GTF2A1: variants seen among roughly 807,000 people sequenced by gnomAD.
GTF2A1 encodes the protein transcription initiation factor IIA subunit 1.
Under a neutral mutation model 54.1 loss-of-function variants are expected in GTF2A1, and 12 were observed. The ratio of observed to expected loss-of-function variants is 0.22; its 90% CI spans 0.14 to 0.36. GTF2A1 has a LOEUF of 0.36. Ranked by LOEUF, GTF2A1 falls within the 10% of genes least tolerant of loss-of-function variation. The pLI is 1.00. For synonymous variants in GTF2A1, 145 were observed against 152.0 expected, an observed-to-expected ratio of 0.95 and a Z score of 0.34; for missense variants, 335 against 442.2, an observed-to-expected ratio of 0.76 and a Z score of 2.17.
rs1458709388 is a variant in GTF2A1 at position 81,220,690 on chromosome 14, G to A, written c.-172C>T. 2.4e-6 allele frequency: 1 copy of A among 414,264 alleles called. No individual in the cohort carries two copies. Among genetic ancestry groups the A allele is most frequent in the Non-Finnish European group, 4.2e-6 (1 of 236,248 alleles). The allele number at this position is 414,264 out of a possible 1,614,324, so 25.7% of individuals were successfully genotyped here. ...GAGTAGGGGAGAGCGGAGAGAGGAG[G>A]AGGAGGGGGGCACTCCTCCCGCAGC... On this transcript the variant is annotated 5_prime_UTR_variant, in exon 1 of 9. Coordinates refer to ENST00000553612, the MANE Select transcript of GTF2A1 (RefSeq NM_015859.4).
At chr14:81,198,837 A>G (rs1893044423) in intron 4 of GTF2A1, among the ~76,000 whole-genome samples, 3 of 152,214 alleles carry the variant, frequency 2.0e-5, no homozygotes, top group Admixed American at 2.0e-4. Context: ...TATTAAACTG[A>G]GTTAATAGTT....
intron 2 of GTF2A1, among the ~76,000 whole-genome samples, chr14:81,209,698 A>C (rs141805797): frequency 5.7e-4 from 87 of 152,356 alleles, no homozygotes; most frequent in Middle Eastern, 3.4e-3. Flanking sequence ...GTACCAAATT[A>C]CTTGGAGGTC....
chr14:81,198,303 A>G (rs914113585), intron 4 of GTF2A1, among the ~76,000 whole-genome samples: 3 of 151,994 alleles, frequency 2.0e-5, no homozygotes, highest in African/African-American at 7.2e-5. Context: ...AAATTAGCTG[A>G]GCAGGGTGGT....
intron 1 of GTF2A1, among the ~76,000 whole-genome samples, chr14:81,218,110 CAAT>C (rs1380894302): frequency 6.7e-6 from 1 of 149,712 alleles, no homozygotes; most frequent in Non-Finnish European, 1.5e-5. Context: ...TTTTTTTAAC[CAAT>C]AATTACTCCT....
At chr14:81,210,174 A>T (rs537368859) in intron 2 of GTF2A1, among the ~76,000 whole-genome samples, 6 of 152,328 alleles carry the variant, frequency 3.9e-5, no homozygotes, top group African/African-American at 1.4e-4. Flanking sequence ...AATCTATTGA[A>T]AATCATTATT....
At chr14:81,185,648 C>A in intron 7 of GTF2A1, 28 bp from the exon 8 acceptor site, 5 of 1,187,138 alleles carry the variant, frequency 4.2e-6, no homozygotes, top group Non-Finnish European at 5.0e-6. Flanking sequence ...GTTCTTATTA[C>A]TATAAGAAGG....
chr14:81,187,779 T>C lies in GTF2A1; in HGVS notation c.934-2159A>G, dbSNP rs560121406. Among the ~76,000 whole-genome samples the C allele has an allele frequency of 8.2e-4, 125 of 152,358 alleles. 2 individuals are homozygous for C. In the South Asian group the frequency reaches 0.024, roughly 30 times the overall value. Reference sequence around the variant, plus strand: ...ACTTGGATATCATAAATAGGGCTGCTATGAACAGTCACATACAAGTTTTTG... The same window carrying C: ...ACTTGGATATCATAAATAGGGCTGCCATGAACAGTCACATACAAGTTTTTG... On this transcript the variant is annotated intron_variant, in intron 7 of 8. Transcript: ENST00000553612.
At chr14:81,190,670 A>AG in intron 7 of GTF2A1, among the ~76,000 whole-genome samples, 1 of 152,286 alleles carries the variant, frequency 6.6e-6, no homozygotes, top group East Asian at 1.9e-4. Context: ...TTAAAAAAAA[A>AG]GAAAACCCAC....
chr14:81,196,941 G>A (rs10148333), intron 5 of GTF2A1, among the ~76,000 whole-genome samples: 16,241 of 152,098 alleles, frequency 0.11, 1,948 homozygotes, highest in African/African-American at 0.3. Flanking sequence ...TAAAATCCAT[G>A]TAAATAAATT....
At position 81,180,125 on chromosome 14, in the gene GTF2A1, G is replaced by T; in HGVS notation, c.*98C>A. ...TTCTACTGCACTTTTCTGACATGCA[G>T]AAACGAAGTTTTGGTTGGCATATGC... On this transcript the variant is annotated 3_prime_UTR_variant, in exon 9 of 9. Transcript: ENST00000553612. 1 of 543,220 alleles carries T rather than the reference G, an allele frequency of 1.8e-6. No individual in the cohort carries two copies. The highest frequency in any genetic ancestry group is 3.4e-6 in the Non-Finnish European group (1 of 295,708). 33.6% of individuals were successfully genotyped at this position (543,220 alleles called of 1,614,324 possible). A position where few individuals can be genotyped will look rare whatever the true frequency, so the allele number is the denominator to read the frequency against.
intron 1 of GTF2A1, among the ~76,000 whole-genome samples, chr14:81,218,025 A>G (rs1047677747): frequency 4.6e-5 from 7 of 152,022 alleles, no homozygotes; most frequent in African/African-American, 1.7e-4. Flanking sequence ...TAAGGAAAGT[A>G]TATCTGACTA....
At chr14:81,220,138 G>A (rs970017088) in intron 1 of GTF2A1, among the ~76,000 whole-genome samples, 112 of 151,190 alleles carry the variant, frequency 7.4e-4, no homozygotes, top group Non-Finnish European at 1.3e-3. Flanking sequence ...CGGGCCCCTC[G>A]GGGGGAAGCG....
At chr14:81,219,735 G>A (rs897847135) in intron 1 of GTF2A1, among the ~76,000 whole-genome samples, 2 of 152,168 alleles carry the variant, frequency 1.3e-5, no homozygotes, top group African/African-American at 4.8e-5. Flanking sequence ...CTACGTGATC[G>A]CAAGTAACAA....
intron 8 of GTF2A1, among the ~76,000 whole-genome samples, chr14:81,180,997 C>G (rs1892626825): frequency 6.6e-6 from 1 of 152,160 alleles, no homozygotes; most frequent in Non-Finnish European, 1.5e-5. Context: ...TTCTCAAGAC[C>G]TAACTACCAT....
chr14:81,210,203 T>C (rs1260367923), intron 2 of GTF2A1, among the ~76,000 whole-genome samples: 1 of 152,218 alleles, frequency 6.6e-6, no homozygotes, highest in Admixed American at 6.5e-5. Flanking sequence ...ACTATAATAC[T>C]GGTTCTAGGT....
chr14:81,205,485 G>A (rs1275768510), intron 2 of GTF2A1, among the ~76,000 whole-genome samples: 2 of 152,204 alleles, frequency 1.3e-5, no homozygotes, highest in African/African-American at 4.8e-5. Context: ...CTCACTGGTT[G>A]TTGAGAGGAT....
chr14:81,198,460 A>G (rs1417149844), intron 4 of GTF2A1, among the ~76,000 whole-genome samples: 2 of 152,214 alleles, frequency 1.3e-5, no homozygotes, highest in Non-Finnish European at 2.9e-5. Context: ...TTTGAAATCA[A>G]GTTAGTATGT....
In GTF2A1 at chr14:81,192,665, CAGGCTGG is replaced by C; in HGVS notation, c.780_786del (p.Gln261LeufsTer58). ...AAGACCAATGGAGCTTGTGTTTGAGCAGGCTGGGCCTGCGGTTGCTGCTGGCCAGTTG... is the reference window on the plus strand; with the variant it reads ...AAGACCAATGGAGCTTGTGTTTGAGCGCCTGCGGTTGCTGCTGGCCAGTTG... On this transcript the variant is annotated frameshift_variant, in exon 7 of 9. Coordinates refer to ENST00000553612, the MANE Select transcript of GTF2A1 (RefSeq NM_015859.4). LOFTEE classifies it high-confidence loss of function. 1 of 1,614,182 alleles carries C rather than the reference CAGGCTGG, an allele frequency of 6.2e-7. No individual in the cohort carries two copies. Among genetic ancestry groups the C allele is most frequent in the Non-Finnish European group, 8.5e-7 (1 of 1,180,012 alleles).
At chr14:81,204,673 G>A (rs1379700324) in intron 2 of GTF2A1, among the ~76,000 whole-genome samples, 1 of 152,234 alleles carries the variant, frequency 6.6e-6, no homozygotes, top group Non-Finnish European at 1.5e-5. Flanking sequence ...GAAGGTCTTA[G>A]TAGTTATCCC....
Sources: gnomAD v4.1 joint callset for allele counts (sites outside exome capture counted in the v4.1 genomes callset) on GRCh38, gnomAD v4.1.1 for gene constraint, MANE v1.5 for transcripts, NCBI Gene and HGNC (gene_info 2026-07-23, HGNC 2026-07-21) for gene names.